ZFX: variants seen among roughly 807,000 people sequenced by gnomAD.
The protein encoded by ZFX is zinc finger X-chromosomal protein.
For missense variants in ZFX, 362 were observed against 628.3 expected, an observed-to-expected ratio of 0.58 and a Z score of 4.53; for synonymous variants, 196 against 226.8, an observed-to-expected ratio of 0.86 and a Z score of 1.22.
intron 5 of ZFX, among the ~76,000 whole-genome samples, chrX:24,200,656 A>T (rs867393128): frequency 2.7e-5 from 3 of 112,246 alleles, no homozygotes; most frequent in Non-Finnish European, 5.6e-5. Context: ...ATGTCTAATG[A>T]TCTGTAAATT....
chrX:24,149,101 T>TG (rs1166446025), upstream of ZFX: 4 of 110,027 alleles, frequency 3.6e-5, no homozygotes, highest in African/African-American at 1.3e-4. Context: ...AAGATTTTTT[T>TG]TTTTTAAGCG....
chrX:24,163,364 G>T (rs1443928472), intron 3 of ZFX, among the ~76,000 whole-genome samples: 4 of 19,058 alleles, frequency 2.1e-4, no homozygotes, highest in East Asian at 1.8e-3. Flanking sequence ...TTTTTGTTAG[G>T]TTTTTTTTTT....
intron 3 of ZFX, among the ~76,000 whole-genome samples, chrX:24,166,826 G>A (rs1290469155): frequency 9.0e-6 from 1 of 111,728 alleles, no homozygotes; most frequent in Non-Finnish European, 1.9e-5. Context: ...TGAATTTTTG[G>A]TTGAATAAAG....
intron 5 of ZFX, among the ~76,000 whole-genome samples, chrX:24,189,678 A>C (rs1936406335): frequency 9.1e-6 from 1 of 110,250 alleles, no homozygotes; most frequent in Non-Finnish European, 1.9e-5. Context: ...GTATTTTACC[A>C]TTATTTTTAT....
intron 3 of ZFX, among the ~76,000 whole-genome samples, chrX:24,154,940 A>G (rs1321684259): frequency 9.0e-6 from 1 of 111,277 alleles, no homozygotes; most frequent in Non-Finnish European, 1.9e-5. Context: ...ACTGATGAAC[A>G]CAAAGAAGGA....
At chrX:24,154,268 GAAATA>G (rs752446648) in intron 3 of ZFX, among the ~76,000 whole-genome samples, 162 of 111,650 alleles carry the variant, frequency 1.5e-3, no homozygotes, top group Non-Finnish European at 2.1e-3. Flanking sequence ...GTTGTTTAAA[GAAATA>G]AAATCTCACA....
rs1049702306 is a variant in ZFX at position 24,188,370 on chromosome X, C to T, written c.646+8600C>T. On this transcript the variant is annotated intron_variant, in intron 5 of 9. Coordinates refer to ENST00000304543, the MANE Select transcript of ZFX (RefSeq NM_003410.4). ...TTTTTCATAAGTATTTCAGTATTTG[C>T]TTTTCAAAGACAAGGATTAAAAAAA... Among the ~76,000 whole-genome samples, 32 of 109,873 alleles carry T rather than the reference C, an allele frequency of 2.9e-4. 1 individual carries two copies. Among genetic ancestry groups the T allele is most frequent in the African/African-American group, 1.1e-3 (32 of 30,019 alleles).
At chrX:24,169,815 A>G (rs780470344) in intron 3 of ZFX, among the ~76,000 whole-genome samples, 1 of 110,653 alleles carries the variant, frequency 9.0e-6, no homozygotes, top group African/African-American at 3.3e-5. Context: ...GAGAAAGCAG[A>G]AGAGGAGAGG....
At chrX:24,156,653 T>A (rs751237718) in intron 3 of ZFX, among the ~76,000 whole-genome samples, 1 of 90,707 alleles carries the variant, frequency 1.1e-5, no homozygotes, top group Non-Finnish European at 2.1e-5. Context: ...CCTGATTTAA[T>A]AATAGCCTTT....
At chrX:24,173,053 A>G (rs1201325696) in intron 4 of ZFX, 1 of 280,060 alleles carries the variant, frequency 3.6e-6, no homozygotes, top group East Asian at 5.4e-5. Flanking sequence ...TGAAGATAAT[A>G]TCTTGACGAG....
intron 9 of ZFX, among the ~76,000 whole-genome samples, chrX:24,209,735 C>T (rs1355770368): frequency 1.8e-5 from 2 of 110,454 alleles, no homozygotes; most frequent in South Asian, 3.9e-4. Context: ...GCCACTGTGC[C>T]CCACTAATTT....
intron 4 of ZFX, among the ~76,000 whole-genome samples, chrX:24,178,603 A>T (rs1299905722): frequency 9.3e-5 from 7 of 75,074 alleles, no homozygotes; most frequent in East Asian, 5.6e-4. Flanking sequence ...TTTTTTTTTT[A>T]AAACAGTCTT....
chrX:24,159,912 T>C (rs1179167473), intron 3 of ZFX, among the ~76,000 whole-genome samples: 1 of 112,187 alleles, frequency 8.9e-6, no homozygotes, highest in Non-Finnish European at 1.9e-5. Context: ...GTTTTAGCTG[T>C]TCTTGAGTTT....
At chrX:24,209,067 A>G (rs1196522342) in intron 9 of ZFX, 27 bp downstream of exon 9, 5 of 1,211,811 alleles carry the variant, frequency 4.1e-6, no homozygotes, top group Non-Finnish European at 5.6e-6. Context: ...TCCATGGCGC[A>G]GCGTGCTCTG....
At chrX:24,203,204 A>G (rs1202800742) in intron 5 of ZFX, among the ~76,000 whole-genome samples, 1 of 111,946 alleles carries the variant, frequency 8.9e-6, no homozygotes, top group African/African-American at 3.2e-5. Context: ...TACTCATTTC[A>G]GTCCCAAGAT....
In ZFX at chrX:24,171,814, T is replaced by TA. The variant is rs201469601; in HGVS notation, c.-28-901_-28-900insA. Among the ~76,000 whole-genome samples, 1,063 of 110,429 alleles carry TA rather than the reference T, an allele frequency of 9.6e-3. 42 individuals are homozygous for TA. Among genetic ancestry groups the TA allele is most frequent in the Admixed American group, 0.089 (911 of 10,225 alleles). On this transcript the variant is annotated intron_variant, in intron 3 of 9. Transcript: ENST00000304543. The stretch of plus-strand genomic sequence containing the variant: ...CTGTCTCCCCTCCCTGCTTACTCTA[T>TA]TCTGTTACTCAAGGCACTCACAGTC...
At chrX:24,171,905 G>GGA (rs1213136127) in intron 3 of ZFX, among the ~76,000 whole-genome samples, 4,922 of 41,746 alleles carry the variant, frequency 0.12, 118 homozygotes, top group Middle Eastern at 0.17. Flanking sequence ...AGAGAGAGAA[G>GGA]GAGAGAGAGA....
rs747735463 is a variant in ZFX at position 24,196,404 on chromosome X, C to T, written c.647-10922C>T. Among the ~76,000 whole-genome samples, 7 of 111,987 alleles carry T rather than the reference C, an allele frequency of 6.3e-5. No homozygotes were observed. The East Asian group carries it at 1.7e-3, about 27-fold the overall frequency. ...CTGGGATTACAGGCATGAGCCACTG[C>T]GCCCAGCCAATCCATGTATGTTCTA... On this transcript the variant is annotated intron_variant, in intron 5 of 9. Coordinates refer to ENST00000304543, the MANE Select transcript of ZFX (RefSeq NM_003410.4).
At position 24,211,512 on chromosome X, in the gene ZFX, G is replaced by C. The variant is rs1487898575; in HGVS notation, c.*136G>C. The C allele has an allele frequency of 1.1e-5, 9 of 803,183 alleles. No individual in the cohort carries two copies. The Admixed American group carries it at 3.6e-4, about 32-fold the overall frequency. The allele number at this position is 803,183 out of a possible 1,213,427, so 66.2% of individuals were successfully genotyped here. A position where few individuals can be genotyped will look rare whatever the true frequency, so the allele number is the denominator to read the frequency against. ...ACAAATAGAATTATTACTTCTAGTT[G>C]ACTTTTTTTTAAATATACATTTTGC... On this transcript the variant is annotated 3_prime_UTR_variant, in exon 10 of 10. Coordinates refer to ENST00000304543, the MANE Select transcript of ZFX (RefSeq NM_003410.4).
Sources: gnomAD v4.1 joint callset for allele counts (sites outside exome capture counted in the v4.1 genomes callset) on GRCh38, gnomAD v4.1.1 for gene constraint, MANE v1.5 for transcripts, NCBI Gene and HGNC (gene_info 2026-07-23, HGNC 2026-07-21) for gene names.